Variants in PCDHGA2 observed in about 807,000 individuals in gnomAD.
PCDHGA2 encodes the protein protocadherin gamma subfamily A, 2.
Under a neutral mutation model 59.2 loss-of-function variants are expected in PCDHGA2, and 40 were observed. The observed-to-expected ratio is 0.68, with a 90% CI of 0.52 to 0.88. The LOEUF is 0.88. Ranked by LOEUF, PCDHGA2 falls within the 40% of genes least tolerant of loss-of-function variation. The pLI is 0.00. For missense variants in PCDHGA2, 1,226 were observed against 1,204.0 expected (o/e 1.02, Z -0.27); for synonymous variants, 560 against 526.0 (o/e 1.06, Z -0.89).
intron 1 of PCDHGA2, among the ~76,000 whole-genome samples, chr5:141,436,491 T>G (rs546883133): frequency 6.6e-6 from 1 of 152,182 alleles, no homozygotes; most frequent in Non-Finnish European, 1.5e-5. Flanking sequence ...GATAGCAGCT[T>G]TGCAATTAGG....
intron 1 of PCDHGA2, chr5:141,439,998 G>A (rs2098143949): frequency 6.5e-6 from 1 of 153,152 alleles, no homozygotes; most frequent in Non-Finnish European, 1.5e-5. Context: ...TTGGTGGTGG[G>A]AAACCTTGCC....
rs2099631185 is a variant in PCDHGA2, at chr5:141,486,568, T to C, written c.2425-8239T>C. Reference sequence around the variant, plus strand: ...AGAGGTCACATGAGGTGTTTGTTCCTGAGAACAATCGCCCAGGGGACCTGC... The same window carrying C: ...AGAGGTCACATGAGGTGTTTGTTCCCGAGAACAATCGCCCAGGGGACCTGC... On this transcript the variant is annotated intron_variant, in intron 1 of 3. Coordinates refer to ENST00000394576, the MANE Select transcript of PCDHGA2 (RefSeq NM_018915.4). The surrounding 1 kb of genome is among the most constrained non-coding windows in gnomAD (Gnocchi z 5.0). 1.9e-6 allele frequency: 3 copies of C among 1,613,862 alleles called. No homozygotes were observed. The South Asian group carries it at 3.3e-5, about 18-fold the overall frequency.
intron 1 of PCDHGA2, chr5:141,410,037 G>A: frequency 1.2e-6 from 2 of 1,613,250 alleles, no homozygotes; most frequent in Non-Finnish European, 1.7e-6. Flanking sequence ...CTGCAGGCCA[G>A]TGAGCCCGGA....
intron 1 of PCDHGA2, chr5:141,357,697 T>C (rs1433075291): frequency 2.0e-6 from 3 of 1,523,702 alleles, no homozygotes; most frequent in East Asian, 2.3e-5. Context: ...TCATTTTATA[T>C]GTAATATATC....
At chr5:141,419,728 A>T (rs2096421858) in intron 1 of PCDHGA2, 1 of 1,613,466 alleles carries the variant, frequency 6.2e-7, no homozygotes. Flanking sequence ...GGCTGCGAAC[A>T]GGCGAGGTGC....
At chr5:141,414,748 G>T (rs765780935) in intron 1 of PCDHGA2, 1 of 1,614,182 alleles carries the variant, frequency 6.2e-7, no homozygotes, top group South Asian at 1.1e-5. Context: ...CAGATCCTTC[G>T]ACTATGAGCA....
At chr5:141,501,881 C>T (rs1396427606) in intron 2 of PCDHGA2, among the ~76,000 whole-genome samples, 1 of 152,124 alleles carries the variant, frequency 6.6e-6, no homozygotes, top group East Asian at 1.9e-4. Context: ...CCTTACACTC[C>T]TGATCATCAT....
At chr5:141,361,981 C>T in intron 1 of PCDHGA2, 1 of 1,601,314 alleles carries the variant, frequency 6.2e-7, no homozygotes, top group Non-Finnish European at 8.5e-7. Context: ...CGAGCCCGGG[C>T]TCTTCAGCCT....
chr5:141,384,035 A>G (rs774600484), intron 1 of PCDHGA2: 2 of 1,613,378 alleles, frequency 1.2e-6, no homozygotes, highest in Non-Finnish European at 1.7e-6. Context: ...TCTGGAAAGA[A>G]TGGTGAGGTG....
Position 141,491,623 on chromosome 5 carries a change from G to T in PCDHGA2, c.2425-3184G>T. 1 of 1,613,930 alleles carries T rather than the reference G, an allele frequency of 6.2e-7. No homozygotes were observed. The highest frequency in any genetic ancestry group is 1.1e-5 in the South Asian group (1 of 91,084). On this transcript the variant is annotated intron_variant, in intron 1 of 3. Transcript: ENST00000394576. This position sits in a 1 kb window ranked among gnomAD's most constrained non-coding sequence, Gnocchi z 6.9. ...CTTCACTTTTCTAAGACCCCTCAGC[G>T]TTCAGCAGCCCACAGCTCTGGCGCT...
In PCDHGA2 at chr5:141,372,747, G is replaced by A; in HGVS notation, c.2424+31352G>A. ...ACCACAAGATCTTCTATGTGATGAA[G>A]CCTCTTGGTTTGAAAGTAATGACAA... On this transcript the variant is annotated intron_variant, in intron 1 of 3. Transcript: ENST00000394576. The A allele has an allele frequency of 2.5e-6, 4 of 1,613,418 alleles. 1 individual carries two copies. Among genetic ancestry groups the A allele is most frequent in the East Asian group, 4.5e-5 (2 of 44,880 alleles).
intron 1 of PCDHGA2, chr5:141,405,358 A>T: frequency 6.2e-7 from 1 of 1,613,900 alleles, no homozygotes; most frequent in East Asian, 2.2e-5. Flanking sequence ...TTCCTATAGA[A>T]GACACCCCTT....
Position 141,478,335 on chromosome 5 carries a change from C to T in PCDHGA2, c.2425-16472C>T, listed in dbSNP as rs202213361. On this transcript the variant is annotated intron_variant, in intron 1 of 3. Coordinates refer to ENST00000394576, the MANE Select transcript of PCDHGA2 (RefSeq NM_018915.4). ...AGCTCACTGTACCGAACACCAGGGC[C>T]CTCCTTGCACGCGGACGCCGTGCGG... 4.7e-5 allele frequency: 76 copies of T among 1,613,822 alleles called. No individual in the cohort carries two copies. The highest frequency in any genetic ancestry group is 6.1e-5 in the Non-Finnish European group (72 of 1,180,028).
intron 1 of PCDHGA2, chr5:141,371,891 G>C (rs771271665): frequency 3.0e-5 from 48 of 1,613,328 alleles, no homozygotes; most frequent in Non-Finnish European, 3.9e-5. Context: ...TGGAGCCGCG[G>C]GAGCTGTCGT....
chr5:141,444,902 G>A (rs1442325957), intron 1 of PCDHGA2, among the ~76,000 whole-genome samples: 1 of 152,160 alleles, frequency 6.6e-6, no homozygotes, highest in Non-Finnish European at 1.5e-5. Context: ...GGATGGCATT[G>A]CATCTATACC....
At chr5:141,392,238 A>G (rs1412628236) in intron 1 of PCDHGA2, 1 of 152,214 alleles carries the variant, frequency 6.6e-6, no homozygotes, top group Admixed American at 6.5e-5. Context: ...GTTCTTAGTT[A>G]TTTGTTAGTA....
chr5:141,371,692 C>A (rs1172182153), intron 1 of PCDHGA2: 1 of 1,614,048 alleles, frequency 6.2e-7, no homozygotes, highest in South Asian at 1.1e-5. Flanking sequence ...CCACCGCTCT[C>A]CTCCAGCAAG....
rs763228700 is a variant in PCDHGA2, at chr5:141,340,882, G to A, written c.1911G>A (p.Ala637=). 1 of 1,613,636 alleles carries A rather than the reference G, an allele frequency of 6.2e-7. No homozygotes were observed. Among genetic ancestry groups the A allele is most frequent in the Non-Finnish European group, 8.5e-7 (1 of 1,179,928 alleles). ...RTARALLDRD[A]LKQSLVVAIQ... ...CGCGAGCCCTGCTGGACAGAGACGC[G>A]CTCAAGCAGAGCCTCGTGGTGGCCA... The change falls in exon 1 of 4, where the codon GCG becomes GCA. Residue 637 remains alanine (A), a synonymous_variant. Coordinates refer to ENST00000394576, the MANE Select transcript of PCDHGA2 (RefSeq NM_018915.4).
At chr5:141,366,007 G>T (rs764457320) in intron 1 of PCDHGA2, 1 of 1,614,058 alleles carries the variant, frequency 6.2e-7, no homozygotes, top group Non-Finnish European at 8.5e-7. Flanking sequence ...ACGACAATAC[G>T]CCTGAGATCC....
Sources: gnomAD v4.1 joint callset for allele counts (sites outside exome capture counted in the v4.1 genomes callset) on GRCh38, gnomAD v4.1.1 for gene constraint, Gnocchi (gnomAD v3.1) non-coding constraint, MANE v1.5 for transcripts, NCBI Gene and HGNC (gene_info 2026-07-23, HGNC 2026-07-21) for gene names.